Variants in DVL3 observed in about 807,000 individuals in gnomAD.
DVL3 encodes the protein dishevelled segment polarity protein 3, also known as segment polarity protein dishevelled homolog DVL-3.
A neutral mutation model predicts 67.4 loss-of-function variants in DVL3; 27 were observed. The observed-to-expected ratio is 0.40, with a 90% CI of 0.30 to 0.55. The LOEUF is 0.55. Among genes scored for constraint, DVL3 ranks in the 20% least tolerant of loss-of-function variants. DVL3 has a pLI of 0.46. For missense variants in DVL3, 819 were observed against 1,021.5 expected (o/e 0.80, Z 2.70); for synonymous variants, 369 against 396.8 (o/e 0.93, Z 0.83).
At position 184,164,180 on chromosome 3, in the gene DVL3, T is replaced by TA; in HGVS notation, c.232-86dup. ...TCGATATTTCCTGCTTCCTTCCTCT[T>TA]AGGCCTTCATGCCTTGCTGGAAGTG... On this transcript the variant is annotated intron_variant, in intron 2 of 14. Coordinates refer to ENST00000313143, the MANE Select transcript of DVL3 (RefSeq NM_004423.4). This position sits in a 1 kb window ranked among gnomAD's most constrained non-coding sequence, Gnocchi z 5.3. 6.7e-7 allele frequency: 1 copy of TA among 1,486,470 alleles called. No homozygotes were observed. Among genetic ancestry groups the TA allele is most frequent in the South Asian group, 1.2e-5 (1 of 81,208 alleles). 92.1% of individuals were successfully genotyped at this position (1,486,470 alleles called of 1,614,324 possible).
rs529577038 is a variant in DVL3, at chr3:184,164,371, C to T, written c.336C>T (p.Ser112=). 13 of 1,613,982 alleles carry T rather than the reference C, an allele frequency of 8.1e-6. No individual in the cohort carries two copies. In the African/African-American group the frequency reaches 1.7e-4, roughly 22 times the overall value. Residue 112 remains serine (S), a synonymous_variant, in exon 3 of 15, where the codon TCC becomes TCT. Coordinates refer to ENST00000313143, the MANE Select transcript of DVL3 (RefSeq NM_004423.4). This position sits in a 1 kb window ranked among gnomAD's most constrained non-coding sequence, Gnocchi z 5.3. ...PMERTGGIGD[S]RPPSFHPHAG... is the part of the protein sequence containing the mutation. ...AGCGCACGGGAGGCATCGGGGACTCCCGACCCCCATCCTTCCAGTGAGTGT... is the reference window on the plus strand; with the variant it reads ...AGCGCACGGGAGGCATCGGGGACTCTCGACCCCCATCCTTCCAGTGAGTGT...
In DVL3 at chr3:184,171,053, C is replaced by G; in HGVS notation, c.*298C>G. 1 of 1,313,278 alleles carries G rather than the reference C, an allele frequency of 7.6e-7. No individual in the cohort carries two copies. Among genetic ancestry groups the G allele is most frequent in the Non-Finnish European group, 9.8e-7 (1 of 1,021,014 alleles). 81.4% of individuals were successfully genotyped at this position (1,313,278 alleles called of 1,614,324 possible). A position where few individuals can be genotyped will look rare whatever the true frequency, so the allele number is the denominator to read the frequency against. Reference sequence around the variant, plus strand: ...AGACTTGTTGGTGCTACCCCTTACTCCCCTCTGCAACCCCCATTTTGGGAG... The same window carrying G: ...AGACTTGTTGGTGCTACCCCTTACTGCCCTCTGCAACCCCCATTTTGGGAG... On this transcript the variant is annotated 3_prime_UTR_variant, in exon 15 of 15. Transcript: ENST00000313143.
rs1395513224 is a variant in DVL3, at chr3:184,164,312, G to T, written c.277G>T (p.Ala93Ser). ...ACACCCAGACCCAGCCCCCTTCTGTGCTGATAACCCATCGGAGCTGCCACC... is the reference window on the plus strand; with the variant it reads ...ACACCCAGACCCAGCCCCCTTCTGTTCTGATAACCCATCGGAGCTGCCACC... ...GSHPDPAPFCADNPSELPPPM... is the reference protein window; with the variant it reads ...GSHPDPAPFCSDNPSELPPPM... Residue 93 changes from alanine (A) to serine (S), a missense_variant, in exon 3 of 15, where the codon GCT (alanine) becomes TCT (serine). By Grantham distance (99) the Ala-to-Ser change is moderately conservative. Coordinates refer to ENST00000313143, the MANE Select transcript of DVL3 (RefSeq NM_004423.4). This position sits in a 1 kb window ranked among gnomAD's most constrained non-coding sequence, Gnocchi z 5.3. 6.2e-7 allele frequency: 1 copy of T among 1,614,108 alleles called. No homozygotes were observed. The highest frequency in any genetic ancestry group is 8.5e-7 in the Non-Finnish European group (1 of 1,179,996).
At chr3:184,158,715 A>G (rs1042163280) in intron 1 of DVL3, among the ~76,000 whole-genome samples, 1 of 151,470 alleles carries the variant, frequency 6.6e-6, no homozygotes, top group African/African-American at 2.4e-5. Context: ...CTCAAGTCCC[A>G]TCTGGTCTAC....
rs1714506038 is a variant in DVL3, at chr3:184,164,592, C to T, written c.454C>T (p.Pro152Ser). The T allele has an allele frequency of 6.4e-7, 1 of 1,556,180 alleles. No individual in the cohort carries two copies. The highest frequency in any genetic ancestry group is 1.9e-5 in the Admixed American group (1 of 53,486). The change falls in exon 4 of 15, where the codon CCA (proline) becomes TCA (serine). Residue 152 changes from proline to serine, a missense_variant. Transcript: ENST00000313143. This position sits in a 1 kb window ranked among gnomAD's most constrained non-coding sequence, Gnocchi z 5.3. Reference protein sequence around the residue: ...QRERPRRRDGPEHATRLNGTA... With the variant: ...QRERPRRRDGSEHATRLNGTA... ...AGAGCGGCCACGCCGGAGGGATGGC[C>T]CAGAGCATGGTATATCTTCCTGAAC...
rs758158693 is a variant in DVL3 at position 184,163,746 on chromosome 3, C to G, written c.231+20C>G. The G allele has an allele frequency of 6.2e-7, 1 of 1,610,152 alleles. No individual in the cohort carries two copies. Among genetic ancestry groups the G allele is most frequent in the Non-Finnish European group, 8.5e-7 (1 of 1,176,484 alleles). The stretch of plus-strand genomic sequence containing the variant: ...TCCTGGGTAAGGAGCCCTCAGCCTT[C>G]CATCCACCTGCATCCCTGTGCTGGG... On this transcript the variant is annotated intron_variant, in intron 2 of 14. Transcript: ENST00000313143. The surrounding 1 kb of genome is among the most constrained non-coding windows in gnomAD (Gnocchi z 4.5).
rs1430841224 is a variant in DVL3 at position 184,170,934 on chromosome 3, T to G, written c.*179T>G. On this transcript the variant is annotated 3_prime_UTR_variant, in exon 15 of 15. Coordinates refer to ENST00000313143, the MANE Select transcript of DVL3 (RefSeq NM_004423.4). The surrounding 1 kb of genome is among the most constrained non-coding windows in gnomAD (Gnocchi z 6.5). ...GTGGGGTGCACCTACCGATTGGCTC[T>G]GCAGCCCCCTAACCTGCCTCTGGCC... 5 of 1,536,790 alleles carry G rather than the reference T, an allele frequency of 3.3e-6. No individual in the cohort carries two copies. Among genetic ancestry groups the G allele is most frequent in the Non-Finnish European group, 4.4e-6 (5 of 1,143,868 alleles).
chr3:184,165,034 G>A lies in DVL3; in HGVS notation c.600-79G>A. 1 of 1,608,156 alleles carries A rather than the reference G, an allele frequency of 6.2e-7. No individual in the cohort carries two copies. The highest frequency in any genetic ancestry group is 1.1e-5 in the South Asian group (1 of 90,526). ...GGGAGGCTTATGGGCTTTGTGTTGGGGACCCAGGCCCTGCAGTGCCTCCCC... is the reference window on the plus strand; with the variant it reads ...GGGAGGCTTATGGGCTTTGTGTTGGAGACCCAGGCCCTGCAGTGCCTCCCC... On this transcript the variant is annotated intron_variant, in intron 5 of 14. Transcript: ENST00000313143. This position sits in a 1 kb window ranked among gnomAD's most constrained non-coding sequence, Gnocchi z 4.1.
chr3:184,156,713 C>G (rs1714202982), intron 1 of DVL3: 1 of 303,316 alleles, frequency 3.3e-6, no homozygotes, highest in African/African-American at 2.2e-5. Flanking sequence ...AGAGGGGGGC[C>G]TGGCTGATCC....
Position 184,170,468 on chromosome 3 carries a change from A to C in DVL3, c.1864A>C (p.Ser622Arg). The change falls in exon 15 of 15, where the codon AGC becomes CGC. Residue 622 changes from serine (S) to arginine (R), a missense_variant. This residue lies in a region of DVL3 where 324 missense variants were observed against 331.3 expected (regional missense o/e 0.98). Transcript: ENST00000313143. This position sits in a 1 kb window ranked among gnomAD's most constrained non-coding sequence, Gnocchi z 6.5. ...GCGGGGGCCGCGGGAGCGGGCGCCC[A>C]GCGAGCGCTCAGGGCCGGCGGCCAG... is the stretch of plus-strand genomic sequence containing the variant. ...SLRGPRERAP[S>R]ERSGPAASEH... The C allele has an allele frequency of 6.3e-7, 1 of 1,587,394 alleles. No homozygotes were observed. The highest frequency in any genetic ancestry group is 8.6e-7 in the Non-Finnish European group (1 of 1,167,518).
chr3:184,158,978 G>A (rs1162549705), intron 1 of DVL3, among the ~76,000 whole-genome samples: 1 of 151,620 alleles, frequency 6.6e-6, no homozygotes, highest in Non-Finnish European at 1.5e-5. Context: ...GTTTCACCAC[G>A]TTGGCCAGGC....
In DVL3 at chr3:184,165,489, T is replaced by C; in HGVS notation, c.761T>C (p.Met254Thr). Residue 254 changes from methionine to threonine, a missense_variant and splice_region_variant, in exon 7 of 15, where the codon ATG (methionine) becomes ACG (threonine). Physicochemically the swap from Met to Thr is moderately conservative, Grantham distance 81. This residue lies in a region of DVL3 where 385 missense variants were observed against 486.8 expected (regional missense o/e 0.79). Coordinates refer to ENST00000313143, the MANE Select transcript of DVL3 (RefSeq NM_004423.4). The surrounding 1 kb of genome is among the most constrained non-coding windows in gnomAD (Gnocchi z 4.1). Reference sequence around the variant, plus strand: ...AACATCATCACGGTCACTCTCAACATGGGTGAGTCTGAGGAAACAGCACTC... The same window carrying C: ...AACATCATCACGGTCACTCTCAACACGGGTGAGTCTGAGGAAACAGCACTC... The part of the protein sequence containing the change: ...SLNIITVTLN[M>T]EKYNFLGISI... The C allele has an allele frequency of 6.2e-7, 1 of 1,613,826 alleles. No individual in the cohort carries two copies. The highest frequency in any genetic ancestry group is 8.5e-7 in the Non-Finnish European group (1 of 1,179,784).
In DVL3 at chr3:184,164,590, G is replaced by T; in HGVS notation, c.452G>T (p.Gly151Val). The T allele has an allele frequency of 6.4e-7, 1 of 1,556,610 alleles. No homozygotes were observed. Among genetic ancestry groups the T allele is most frequent in the Non-Finnish European group, 8.7e-7 (1 of 1,150,344 alleles). ...AQRERPRRRD[G>V]PEHATRLNGT... The stretch of plus-strand genomic sequence containing the variant: ...CGAGAGCGGCCACGCCGGAGGGATG[G>T]CCCAGAGCATGGTATATCTTCCTGA... The change falls in exon 4 of 15, where the codon GGC (glycine) becomes GTC (valine). Residue 151 changes from glycine to valine, a missense_variant. By Grantham distance (109) the Gly-to-Val change is moderately radical. Around this residue, in one of 3 missense-constraint regions of DVL3, gnomAD observed 385 missense variants for 486.8 expected, o/e 0.79. Coordinates refer to ENST00000313143, the MANE Select transcript of DVL3 (RefSeq NM_004423.4). The surrounding 1 kb of genome is among the most constrained non-coding windows in gnomAD (Gnocchi z 5.3).
rs1714916838 is a variant in DVL3 at position 184,173,420 on chromosome 3, T to C, written c.*2665T>C. 1 of 152,240 alleles carries C rather than the reference T, an allele frequency of 6.6e-6. No homozygotes were observed. Among genetic ancestry groups the C allele is most frequent in the Non-Finnish European group, 1.5e-5 (1 of 68,050 alleles). 9.4% of individuals were successfully genotyped at this position (152,240 alleles called of 1,614,324 possible). On this transcript the variant is annotated 3_prime_UTR_variant, in exon 15 of 15. Transcript: ENST00000313143. ...TTTTGGGTTTGAATTCCAGCTCTACTATTTTTGGTTGTGTGATAGAGTTAT... is the reference window on the plus strand; with the variant it reads ...TTTTGGGTTTGAATTCCAGCTCTACCATTTTTGGTTGTGTGATAGAGTTAT...
chr3:184,163,968 G>A lies in DVL3; in HGVS notation c.231+242G>A, dbSNP rs1243057003. Among the ~76,000 whole-genome samples, 3 of 152,080 alleles carry A rather than the reference G, an allele frequency of 2.0e-5. No homozygotes were observed. Among genetic ancestry groups the A allele is most frequent in the East Asian group, 1.9e-4 (1 of 5,174 alleles). On this transcript the variant is annotated intron_variant, in intron 2 of 14. Transcript: ENST00000313143. The surrounding 1 kb of genome is among the most constrained non-coding windows in gnomAD (Gnocchi z 4.5). ...TGGAGACAGTAACGTTTCCTATGCCGTTCAGACACTTGCCTCAGATTTCCT... is the reference window on the plus strand; with the variant it reads ...TGGAGACAGTAACGTTTCCTATGCCATTCAGACACTTGCCTCAGATTTCCT...
At chr3:184,168,964 G>T (rs1210931871) in intron 13 of DVL3, among the ~76,000 whole-genome samples, 1 of 152,152 alleles carries the variant, frequency 6.6e-6, no homozygotes, top group Non-Finnish European at 1.5e-5. Flanking sequence ...GGCTGGGAAC[G>T]GGGTGGAGAG....
chr3:184,169,968 C>T (rs754003625), intron 13 of DVL3, 38 bp from the exon 14 acceptor site: 11 of 1,542,088 alleles, frequency 7.1e-6, no homozygotes, highest in Middle Eastern at 1.7e-4. Flanking sequence ...GACCTCTCTC[C>T]GGAAAGACCT....
Position 184,167,588 on chromosome 3 carries a change from G to A in DVL3, c.1207G>A (p.Asp403Asn), listed in dbSNP as rs1317909865. 6.2e-6 allele frequency: 10 copies of A among 1,613,472 alleles called. No individual in the cohort carries two copies. Among genetic ancestry groups the A allele is most frequent in the African/African-American group, 2.7e-5 (2 of 74,910 alleles). ...SSIPDTERLD[D>N]FHLSIHSDMA... ...CTGCCTCCCACCCCCAGGCCTAGAC[G>A]ACTTCCACTTGTCCATCCACAGTGA... Residue 403 changes from aspartate to asparagine, a missense_variant, in exon 12 of 15, where the codon GAC (aspartate) becomes AAC (asparagine). By Grantham distance (23) the Asp-to-Asn change is conservative. Transcript: ENST00000313143. The surrounding 1 kb of genome is among the most constrained non-coding windows in gnomAD (Gnocchi z 4.6).
At chr3:184,161,656 C>T (rs958534115) in intron 1 of DVL3, among the ~76,000 whole-genome samples, 26 of 152,252 alleles carry the variant, frequency 1.7e-4, no homozygotes, top group Non-Finnish European at 2.4e-4. Context: ...CACATTCCCC[C>T]GGCCAAACTA....
Sources: allele counts gnomAD v4.1 joint callset (sites outside exome capture counted in the v4.1 genomes callset), GRCh38; gene constraint gnomAD v4.1.1; regional missense constraint gnomAD v4.1.1; non-coding constraint Gnocchi (gnomAD v3.1); transcripts MANE v1.5; gene names NCBI Gene and HGNC (gene_info 2026-07-23, HGNC 2026-07-21).